Variants in GAP43 observed in about 807,000 individuals in gnomAD.
The protein encoded by GAP43 is neuromodulin.
Under a neutral mutation model 18.6 loss-of-function variants are expected in GAP43, and 6 were observed. That is an observed-to-expected ratio of 0.32 (90% CI 0.18 to 0.64). The LOEUF is 0.64. GAP43 is among the 30% of genes least tolerant of loss of function. The pLI, the probability that GAP43 is intolerant of heterozygous loss-of-function variation, is 0.78. For synonymous variants in GAP43, 115 were observed against 111.4 expected, an observed-to-expected ratio of 1.03 and a Z score of -0.20; for missense variants, 292 against 295.5, an observed-to-expected ratio of 0.99 and a Z score of 0.09.
chr3:115,696,053 T>TTC (rs1192341422), intron 2 of GAP43, among the ~76,000 whole-genome samples: 3 of 151,506 alleles, frequency 2.0e-5, no homozygotes, highest in Non-Finnish European at 4.4e-5. Flanking sequence ...CTCTTCTACA[T>TTC]TCTCTCTCTC....
chr3:115,674,821 G>C (rs1559797954), intron 1 of GAP43, among the ~76,000 whole-genome samples: 1 of 152,172 alleles, frequency 6.6e-6, no homozygotes, highest in Non-Finnish European at 1.5e-5. Context: ...TAAAGACCTG[G>C]AACTCATTTA....
intron 2 of GAP43, among the ~76,000 whole-genome samples, chr3:115,704,847 A>C (rs1359702550): frequency 6.6e-6 from 1 of 152,122 alleles, no homozygotes; most frequent in Non-Finnish European, 1.5e-5. Context: ...TTTCTCATAG[A>C]GAATAAGGAA....
At chr3:115,684,140 T>C (rs1390852334) in intron 2 of GAP43, among the ~76,000 whole-genome samples, 1 of 152,224 alleles carries the variant, frequency 6.6e-6, no homozygotes, top group Non-Finnish European at 1.5e-5. Context: ...TTGCCTTTCT[T>C]TGTAAAACAT....
At chr3:115,659,142 G>C (rs1708625522) in intron 1 of GAP43, among the ~76,000 whole-genome samples, 2 of 152,014 alleles carry the variant, frequency 1.3e-5, no homozygotes, top group Non-Finnish European at 2.9e-5. Flanking sequence ...CCGGCAGGAA[G>C]GTTTCTTTGT....
intron 1 of GAP43, among the ~76,000 whole-genome samples, chr3:115,639,764 C>A (rs145872351): frequency 1.3e-5 from 2 of 152,022 alleles, no homozygotes; most frequent in Non-Finnish European, 2.9e-5. Context: ...GACTTCTCAA[C>A]CCTAACTTAT....
chr3:115,698,141 A>T (rs1384041111), intron 2 of GAP43, among the ~76,000 whole-genome samples: 2 of 10,062 alleles, frequency 2.0e-4, no homozygotes, highest in Non-Finnish European at 4.5e-4. Context: ...AATATATATA[A>T]TATATATTAT....
intron 1 of GAP43, among the ~76,000 whole-genome samples, chr3:115,662,005 G>A (rs1356230206): frequency 2.0e-5 from 3 of 151,770 alleles, no homozygotes; most frequent in Non-Finnish European, 4.4e-5. Flanking sequence ...GGGGGTCGGG[G>A]GGAAGGGGAA....
At chr3:115,709,484 T>C (rs1224900108) in intron 2 of GAP43, among the ~76,000 whole-genome samples, 2 of 152,188 alleles carry the variant, frequency 1.3e-5, no homozygotes, top group Admixed American at 6.5e-5. Flanking sequence ...AGATGTAGAA[T>C]TGAAATTACT....
intron 2 of GAP43, among the ~76,000 whole-genome samples, chr3:115,695,435 G>A (rs995194801): frequency 6.6e-6 from 1 of 152,146 alleles, no homozygotes; most frequent in Non-Finnish European, 1.5e-5. Flanking sequence ...ATTAAGAGAA[G>A]TGACAATATG....
intron 2 of GAP43, among the ~76,000 whole-genome samples, chr3:115,683,141 G>GCGCT (rs1708981049): frequency 8.2e-6 from 1 of 121,322 alleles, no homozygotes; most frequent in African/African-American, 3.0e-5. Flanking sequence ...GCGTGCGCGC[G>GCGCT]CGCGCGCACA....
chr3:115,682,730 T>G (rs1576992939), intron 2 of GAP43, among the ~76,000 whole-genome samples: 1 of 152,028 alleles, frequency 6.6e-6, no homozygotes, highest in South Asian at 2.1e-4. Context: ...AAAGACGGGA[T>G]TTTACCATGT....
chr3:115,664,107 C>T (rs144156729), intron 1 of GAP43, among the ~76,000 whole-genome samples: 91 of 152,128 alleles, frequency 6.0e-4, no homozygotes, highest in African/African-American at 2.1e-3. Context: ...AGTTAATATA[C>T]AAACTATATG....
At chr3:115,697,481 A>G (rs182981339) in intron 2 of GAP43, among the ~76,000 whole-genome samples, 3 of 152,320 alleles carry the variant, frequency 2.0e-5, no homozygotes, top group Admixed American at 2.0e-4. Context: ...TGACCGGAAG[A>G]TGATGGCCGC....
chr3:115,651,713 A>T (rs1708519849), intron 1 of GAP43, among the ~76,000 whole-genome samples: 1 of 151,968 alleles, frequency 6.6e-6, no homozygotes, highest in Admixed American at 6.6e-5. Flanking sequence ...AACACATGTA[A>T]TCTGTTCTTC....
At chr3:115,629,896 A>G (rs1179336210) in intron 1 of GAP43, among the ~76,000 whole-genome samples, 1 of 152,186 alleles carries the variant, frequency 6.6e-6, no homozygotes, top group Non-Finnish European at 1.5e-5. Context: ...TTAAAGTGGA[A>G]CTGATCATCA....
At chr3:115,650,144 T>C (rs908667906) in intron 1 of GAP43, among the ~76,000 whole-genome samples, 35 of 152,286 alleles carry the variant, frequency 2.3e-4, no homozygotes, top group African/African-American at 8.4e-4. Flanking sequence ...TGGATCCATC[T>C]TGAAAACACT....
intron 1 of GAP43, among the ~76,000 whole-genome samples, chr3:115,640,935 T>G (rs907467913): frequency 1.6e-4 from 24 of 148,612 alleles, no homozygotes; most frequent in African/African-American, 5.8e-4. Flanking sequence ...CTTTTTTTCC[T>G]TCTCTTTCTT....
intron 1 of GAP43, among the ~76,000 whole-genome samples, chr3:115,654,541 C>T (rs1029703171): frequency 6.6e-6 from 1 of 152,078 alleles, no homozygotes; most frequent in African/African-American, 2.4e-5. Context: ...AGTAAATCTG[C>T]CTTCCTGGGG....
intron 1 of GAP43, among the ~76,000 whole-genome samples, chr3:115,627,882 A>G (rs1484869541): frequency 1.3e-5 from 2 of 152,166 alleles, no homozygotes; most frequent in African/African-American, 4.8e-5. Context: ...GTTGGGAAGA[A>G]TATTATACTG....
Sources: gnomAD v4.1 joint callset for allele counts (sites outside exome capture counted in the v4.1 genomes callset) on GRCh38, gnomAD v4.1.1 for gene constraint, MANE v1.5 for transcripts, NCBI Gene and HGNC (gene_info 2026-07-23, HGNC 2026-07-21) for gene names.